The following ZC3H6 variants were observed in gnomAD, a reference collection of about 807,000 sequenced individuals.
ZC3H6 encodes the protein zinc finger CCCH domain-containing protein 6.
ZC3H6 carries 40 observed loss-of-function variants against 107.7 expected under a neutral mutation model. The ratio of observed to expected loss-of-function variants is 0.37; its 90% CI spans 0.29 to 0.48. The LOEUF (loss-of-function observed/expected upper bound fraction) is 0.48, where lower values mean the gene tolerates loss of function less well. ZC3H6 is among the 20% of genes least tolerant of loss of function. The pLI is 0.98. For synonymous variants in ZC3H6, 493 were observed against 487.9 expected (o/e 1.01, Z -0.14); for missense variants, 1,267 against 1,410.4 (o/e 0.90, Z 1.63).
intron 3 of ZC3H6, 106 bp downstream of exon 3, chr2:112,303,457 T>C (rs889301305): frequency 7.9e-6 from 6 of 759,020 alleles, no homozygotes; most frequent in African/African-American, 3.6e-5. Context: ...TTGACAGTGT[T>C]GTTCAATCAT....
intron 4 of ZC3H6, among the ~76,000 whole-genome samples, chr2:112,310,901 G>T (rs937441380): frequency 2.0e-5 from 3 of 151,986 alleles, no homozygotes; most frequent in Non-Finnish European, 4.4e-5. Context: ...ATTTTTTCTC[G>T]ATTTCCTAGC....
chr2:112,302,513 A>G (rs976235694), intron 2 of ZC3H6, among the ~76,000 whole-genome samples: 1 of 152,164 alleles, frequency 6.6e-6, no homozygotes, highest in Non-Finnish European at 1.5e-5. Flanking sequence ...TGCAATGATA[A>G]TAATACACAG....
At chr2:112,288,218 T>G (rs1686646355) in intron 1 of ZC3H6, among the ~76,000 whole-genome samples, 1 of 152,182 alleles carries the variant, frequency 6.6e-6, no homozygotes, top group Non-Finnish European at 1.5e-5. Flanking sequence ...TTTTTTTTTT[T>G]TAAACCTATT....
intron 9 of ZC3H6, among the ~76,000 whole-genome samples, chr2:112,323,211 G>C (rs1366453810): frequency 6.6e-6 from 1 of 152,166 alleles, no homozygotes; most frequent in African/African-American, 2.4e-5. Flanking sequence ...CATTGATAAT[G>C]CCTTCAGATT....
At chr2:112,279,613 G>A (rs543792467) in intron 1 of ZC3H6, among the ~76,000 whole-genome samples, 1 of 152,040 alleles carries the variant, frequency 6.6e-6, no homozygotes, top group East Asian at 1.9e-4. Context: ...ACTCCAACTA[G>A]TCAGAATTGC....
chr2:112,292,150 T>C (rs1378516786), intron 1 of ZC3H6, among the ~76,000 whole-genome samples: 1 of 152,168 alleles, frequency 6.6e-6, no homozygotes, highest in Non-Finnish European at 1.5e-5. Context: ...GGGATATGAA[T>C]GTTAAGCTCA....
In ZC3H6 at chr2:112,331,822, T is replaced by A; in HGVS notation, c.2904T>A (p.Asn968Lys). 1 of 1,613,698 alleles carries A rather than the reference T, an allele frequency of 6.2e-7. No individual in the cohort carries two copies. ...AKLGDPRLQK[N>K]FDPRLHRLPN... ...TAGGAGATCCTAGACTACAAAAAAA[T>A]TTTGATCCTAGGCTTCACAGACTGC... The change falls in exon 12 of 12, where the codon AAT (asparagine) becomes AAA (lysine). Residue 968 changes from asparagine to lysine, a missense_variant. This residue lies in a region of ZC3H6 where 925 missense variants were observed against 1,025.7 expected (regional missense o/e 0.90). Transcript: ENST00000409871.
chr2:112,284,026 A>G (rs1686567751), intron 1 of ZC3H6, among the ~76,000 whole-genome samples: 1 of 152,274 alleles, frequency 6.6e-6, no homozygotes, highest in Admixed American at 6.5e-5. Context: ...TCTATTGTGT[A>G]CAGGTTTCAG....
At chr2:112,317,144 A>G (rs1305424791) in intron 6 of ZC3H6, 77 bp from the exon 7 acceptor site, 5 of 774,390 alleles carry the variant, frequency 6.5e-6, no homozygotes, top group Non-Finnish European at 9.9e-6. Context: ...CCATGTAGAA[A>G]ATTCAGCTGT....
intron 3 of ZC3H6, among the ~76,000 whole-genome samples, chr2:112,309,156 G>A (rs146665379): frequency 9.5e-4 from 145 of 151,986 alleles, no homozygotes; most frequent in African/African-American, 3.2e-3. Flanking sequence ...ATTTTTTCTC[G>A]CTTTACTAAA....
chr2:112,284,812 G>A (rs1222503860), intron 1 of ZC3H6, among the ~76,000 whole-genome samples: 1 of 152,090 alleles, frequency 6.6e-6, no homozygotes, highest in Non-Finnish European at 1.5e-5. Context: ...AAATTCTGAA[G>A]TGGTAGAGTT....
chr2:112,321,331 TTAAAA>T (rs1421706241), intron 7 of ZC3H6, among the ~76,000 whole-genome samples: 2 of 151,472 alleles, frequency 1.3e-5, no homozygotes, highest in South Asian at 2.1e-4. Context: ...GCTTATGTAA[TTAAAA>T]TATAATAGTG....
chr2:112,311,865 C>A lies in ZC3H6; in HGVS notation c.675C>A (p.Ile225=), dbSNP rs1294154733. The part of the protein sequence containing the change: ...VGRGRGLPKK[I]KRKERGGRTN... ...GTGGACGTGGCTTGCCGAAGAAAAT[C>A]AAACGAAAAGAACGTGGGGGAAGAA... Residue 225 remains isoleucine, a synonymous_variant, in exon 5 of 12, where the codon ATC becomes ATA. Coordinates refer to ENST00000409871, the MANE Select transcript of ZC3H6 (RefSeq NM_198581.3). 1.2e-6 allele frequency: 2 copies of A among 1,613,320 alleles called. No individual in the cohort carries two copies. The highest frequency in any genetic ancestry group is 2.7e-5 in the African/African-American group (2 of 74,896).
intron 1 of ZC3H6, among the ~76,000 whole-genome samples, chr2:112,284,256 A>G (rs1337537865): frequency 6.6e-6 from 1 of 152,260 alleles, no homozygotes; most frequent in Non-Finnish European, 1.5e-5. Flanking sequence ...CTCTTTTAAA[A>G]TTATATTTTA....
At chr2:112,290,524 G>C (rs1216444268) in intron 1 of ZC3H6, among the ~76,000 whole-genome samples, 1 of 152,316 alleles carries the variant, frequency 6.6e-6, no homozygotes, top group East Asian at 1.9e-4. Context: ...TTCTTTGATT[G>C]GTGTCTGTGC....
chr2:112,312,759 C>T (rs565741892), intron 5 of ZC3H6, among the ~76,000 whole-genome samples: 1 of 151,922 alleles, frequency 6.6e-6, no homozygotes, highest in East Asian at 1.9e-4. Context: ...ACTCGGGAGG[C>T]TGAGGCAGAA....
intron 11 of ZC3H6, 39 bp downstream of exon 11, chr2:112,325,236 A>G: frequency 1.9e-6 from 3 of 1,591,796 alleles, no homozygotes; most frequent in Non-Finnish European, 8.6e-7. Flanking sequence ...ACCTATTTGG[A>G]TGGGTTAAAA....
intron 1 of ZC3H6, among the ~76,000 whole-genome samples, chr2:112,297,940 C>G (rs1479871484): frequency 6.6e-6 from 1 of 152,036 alleles, no homozygotes; most frequent in Admixed American, 6.6e-5. Context: ...CGTGGTGAAA[C>G]CCCCATCTCC....
At chr2:112,301,646 A>G (rs990220438) in intron 2 of ZC3H6, among the ~76,000 whole-genome samples, 2 of 152,232 alleles carry the variant, frequency 1.3e-5, no homozygotes. Flanking sequence ...CCCACAAAGC[A>G]TATGAAAAAT....
Sources: allele counts gnomAD v4.1 joint callset (sites outside exome capture counted in the v4.1 genomes callset), GRCh38; gene constraint gnomAD v4.1.1; regional missense constraint gnomAD v4.1.1; transcripts MANE v1.5; gene names NCBI Gene and HGNC (gene_info 2026-07-23, HGNC 2026-07-21).